Variants in LARP4B observed in about 807,000 individuals in gnomAD.
LARP4B encodes la-related protein 4B.
In LARP4B, 12 loss-of-function variants were observed where a neutral mutation model predicts 89.8. The ratio of observed to expected loss-of-function variants is 0.13; its 90% CI spans 0.09 to 0.22. The LOEUF is 0.22. Among genes scored for constraint, LARP4B ranks in the 10% least tolerant of loss-of-function variants. LARP4B has a pLI of 1.00. For synonymous variants in LARP4B, 367 were observed against 363.3 expected (o/e 1.01, Z -0.12); for missense variants, 757 against 947.7 (o/e 0.80, Z 2.64).
chr10:864,095 C>A, intron 4 of LARP4B, 28 bp downstream of exon 4: 1 of 1,613,506 alleles, frequency 6.2e-7, no homozygotes, highest in Non-Finnish European at 8.5e-7. Flanking sequence ...AAGCAGGGGG[C>A]TGCACACCAC....
At chr10:972,317 C>A in the LARP4B span, 2 of 371,552 alleles carry the variant, frequency 5.4e-6, no homozygotes, top group Non-Finnish European at 1.0e-5. Context: ...CGTGAGCAAC[C>A]GCACCCAGCC....
chr10:807,182 C>T (rs1399470173), downstream of LARP4B: 1 of 152,370 alleles, frequency 6.6e-6, no homozygotes, highest in South Asian at 2.1e-4. Context: ...ATCAGTCCAA[C>T]GAGAAGACAC....
chr10:964,487 A>G, the LARP4B span, among the ~76,000 whole-genome samples: 2 of 152,092 alleles, frequency 1.3e-5, no homozygotes, highest in African/African-American at 2.4e-5. Context: ...CCAAGGATAG[A>G]CGAAGGAACC....
At chr10:911,494 T>C (rs1836664430) in intron 1 of LARP4B, among the ~76,000 whole-genome samples, 1 of 152,150 alleles carries the variant, frequency 6.6e-6, no homozygotes, top group Admixed American at 6.5e-5. Flanking sequence ...TGGAGGAAAA[T>C]ACAAAACTTA....
the LARP4B span, among the ~76,000 whole-genome samples, chr10:953,696 A>G: frequency 3.3e-5 from 5 of 152,276 alleles, no homozygotes; most frequent in Admixed American, 3.3e-4. Context: ...AACCAAGTGC[A>G]TAACAGAATG....
chr10:922,352 G>A (rs1837004606), intron 1 of LARP4B, among the ~76,000 whole-genome samples: 1 of 152,176 alleles, frequency 6.6e-6, no homozygotes, highest in African/African-American at 2.4e-5. Context: ...GACAACCTGG[G>A]AGTTAGGGAC....
At chr10:945,209 C>T in the LARP4B span, among the ~76,000 whole-genome samples, 1,477 of 151,220 alleles carry the variant, frequency 9.8e-3, 15 homozygotes, top group Admixed American at 0.016. Flanking sequence ...CATGGTGAAA[C>T]CTCGTCTCTA....
chr10:863,015 C>A (rs944533999), intron 5 of LARP4B, among the ~76,000 whole-genome samples: 1 of 152,182 alleles, frequency 6.6e-6, no homozygotes, highest in Non-Finnish European at 1.5e-5. Context: ...TTATTTTCTT[C>A]ATGTCACTCA....
chr10:981,852 C>G, the LARP4B span, among the ~76,000 whole-genome samples: 1 of 152,054 alleles, frequency 6.6e-6, no homozygotes, highest in Admixed American at 6.5e-5. Flanking sequence ...AGGCATGAGC[C>G]ACCGCACCCA....
chr10:823,254 G>A (rs189539498), intron 13 of LARP4B, among the ~76,000 whole-genome samples: 2 of 152,168 alleles, frequency 1.3e-5, no homozygotes, highest in Admixed American at 1.3e-4. Flanking sequence ...GCTGGTGTGC[G>A]CTTCCTAAAC....
At chr10:860,747 G>A (rs1834556916) in intron 5 of LARP4B, among the ~76,000 whole-genome samples, 1 of 152,028 alleles carries the variant, frequency 6.6e-6, no homozygotes, top group Non-Finnish European at 1.5e-5. Flanking sequence ...TCTATCACAC[G>A]TCTGTTGTCC....
intron 8 of LARP4B, among the ~76,000 whole-genome samples, chr10:832,494 G>C (rs1832961702): frequency 6.6e-6 from 1 of 152,168 alleles, no homozygotes; most frequent in Admixed American, 6.5e-5. Flanking sequence ...CAAAATAATG[G>C]CTCGATAAAT....
chr10:906,376 C>T (rs1161591329), intron 1 of LARP4B, among the ~76,000 whole-genome samples: 3 of 152,216 alleles, frequency 2.0e-5, no homozygotes, highest in Admixed American at 6.5e-5. Flanking sequence ...CACAGCTGCA[C>T]GAATGAGTAT....
rs79707128 is a variant in LARP4B, at chr10:825,876, T to A, written c.1126-6A>T. ...GTATTTGGAAATGGAGTTACCTAGATTCATTTGAAAACAGACAAGTAAATA... is the reference window on the plus strand; with the variant it reads ...GTATTTGGAAATGGAGTTACCTAGAATCATTTGAAAACAGACAAGTAAATA... On this transcript the variant is annotated splice_polypyrimidine_tract_variant and splice_region_variant and intron_variant, in intron 11 of 17. Coordinates refer to ENST00000316157, the MANE Select transcript of LARP4B (RefSeq NM_015155.3). 6,167 of 1,579,786 alleles carry A rather than the reference T, an allele frequency of 3.9e-3. 182 individuals are homozygous for A. The African/African-American group carries it at 0.066, about 17-fold the overall frequency.
intron 14 of LARP4B, chr10:818,107 T>G (rs1832159169): frequency 2.0e-6 from 1 of 500,150 alleles, no homozygotes; most frequent in Non-Finnish European, 3.6e-6. Context: ...CCAAGAGATG[T>G]GTCACAAAGG....
At chr10:851,224 CCCATGCTGGAGTGCAATGGTG>C (rs1834034992) in intron 5 of LARP4B, among the ~76,000 whole-genome samples, 1 of 150,164 alleles carries the variant, frequency 6.7e-6, no homozygotes, top group African/African-American at 2.5e-5. Flanking sequence ...CGCTCTGTCC[CCCATGCTGGAGTGCAATGGTG>C]CGATCCTGGC....
Position 911,885 on chromosome 10 carries a change from T to C in LARP4B, c.-40+19543A>G, listed in dbSNP as rs141136124. ...CAAGTCACTGGTGAAAGCTGCAGTT[T>C]GGGAAGTGGCTGACTGAATAGTTGT... On this transcript the variant is annotated intron_variant, in intron 1 of 17. Coordinates refer to ENST00000316157, the MANE Select transcript of LARP4B (RefSeq NM_015155.3). Among the ~76,000 whole-genome samples the C allele has an allele frequency of 7.8e-4, 119 of 152,336 alleles. 1 individual carries two copies. The highest frequency in any genetic ancestry group is 2.1e-3 in the African/African-American group (88 of 41,580).
chr10:885,210 G>A (rs536131237), intron 2 of LARP4B, among the ~76,000 whole-genome samples: 1 of 152,154 alleles, frequency 6.6e-6, no homozygotes, highest in Non-Finnish European at 1.5e-5. Flanking sequence ...GTAACACACA[G>A]GGATGTCAAG....
chr10:930,551 G>A (rs1267397128), intron 1 of LARP4B, among the ~76,000 whole-genome samples: 2 of 152,104 alleles, frequency 1.3e-5, no homozygotes, highest in Non-Finnish European at 2.9e-5. Flanking sequence ...AATTACATTC[G>A]CATGAAGTTT....
Sources: gnomAD v4.1 joint callset for allele counts (sites outside exome capture counted in the v4.1 genomes callset) on GRCh38, gnomAD v4.1.1 for gene constraint, MANE v1.5 for transcripts, NCBI Gene and HGNC (gene_info 2026-07-23, HGNC 2026-07-21) for gene names.